The following CFAP276 variants were observed in gnomAD, a reference collection of about 807,000 sequenced individuals.
CFAP276 encodes the protein cilia and flagella associated protein 276.
At chr1:109,107,868 A>AG in the CFAP276 span, 2 of 1,469,964 alleles carry the variant, frequency 1.4e-6, no homozygotes, top group African/African-American at 2.8e-5. Flanking sequence ...ACAGGAAAAA[A>AG]AAAAAAAGCC....
the CFAP276 span, chr1:109,113,679 TTC>T: frequency 1.2e-5 from 19 of 1,613,986 alleles, no homozygotes; most frequent in East Asian, 4.0e-4. Context: ...TCTCTCCATC[TTC>T]TTTCTCTCGG....
chr1:109,111,662 C>G, the CFAP276 span, among the ~76,000 whole-genome samples: 2 of 152,124 alleles, frequency 1.3e-5, no homozygotes, highest in East Asian at 1.9e-4. Flanking sequence ...AAGCCATTCT[C>G]TCTCTCCTTT....
chr1:109,106,501 G>GC, the CFAP276 span: 23 of 1,608,090 alleles, frequency 1.4e-5, no homozygotes, highest in South Asian at 2.6e-4. Context: ...CTCCCCCACT[G>GC]CCCCATCTGC....
chr1:109,113,182 G>C, the CFAP276 span, among the ~76,000 whole-genome samples: 1 of 152,020 alleles, frequency 6.6e-6, no homozygotes, highest in African/African-American at 2.4e-5. Flanking sequence ...TTAAGCCCAA[G>C]AGTTCGAGAC....
chr1:109,106,526 A>G, the CFAP276 span: 2 of 1,613,696 alleles, frequency 1.2e-6, no homozygotes, highest in Admixed American at 1.7e-5. Flanking sequence ...CCAGTCCTCT[A>G]ACCCTTACCT....
chr1:109,112,996 T>G, the CFAP276 span, among the ~76,000 whole-genome samples: 1 of 152,160 alleles, frequency 6.6e-6, no homozygotes, highest in African/African-American at 2.4e-5. Context: ...TGCAAAAGAC[T>G]TCAGTTGAGG....
chr1:109,113,511 C>T, the CFAP276 span: 1 of 1,016,986 alleles, frequency 9.8e-7, no homozygotes, highest in South Asian at 1.4e-5. Flanking sequence ...AGGCAAACTC[C>T]TCGCTTAAAC....
the CFAP276 span, among the ~76,000 whole-genome samples, chr1:109,113,415 AAAGAGAGAGAGAG>A: frequency 6.1e-5 from 7 of 113,834 alleles, no homozygotes; most frequent in African/African-American, 2.1e-4. Flanking sequence ...AGAGAGAGAG[AAAGAGAGAGAGAG>A]AGAGAGAGAG....
chr1:109,113,412 G>GAT, the CFAP276 span, among the ~76,000 whole-genome samples: 1 of 104,146 alleles, frequency 9.6e-6, no homozygotes, highest in Non-Finnish European at 1.9e-5. Context: ...GAGAGAGAGA[G>GAT]AGAAAGAGAG....
chr1:109,108,526 T>G, the CFAP276 span, among the ~76,000 whole-genome samples: 2 of 152,166 alleles, frequency 1.3e-5, no homozygotes, highest in Non-Finnish European at 2.9e-5. Context: ...GATCCTCCTA[T>G]GTTTTCTTAA....
the CFAP276 span, chr1:109,107,966 G>A: frequency 1.9e-6 from 3 of 1,603,604 alleles, no homozygotes; most frequent in Admixed American, 1.7e-5. Flanking sequence ...AAGTAATTGT[G>A]GGGGTTGAGT....
chr1:109,109,697 T>G, the CFAP276 span, among the ~76,000 whole-genome samples: 1,996 of 151,624 alleles, frequency 0.013, 44 homozygotes, highest in African/African-American at 0.045. Context: ...CCACCGCATC[T>G]GGCTAATTTT....
chr1:109,109,221 G>A, the CFAP276 span, among the ~76,000 whole-genome samples: 1 of 151,988 alleles, frequency 6.6e-6, no homozygotes, highest in South Asian at 2.1e-4. Context: ...GGCTGAGGCG[G>A]GCGGATCACC....
At chr1:109,113,423 AGAGAGAGAGAGAGAGAG>A in the CFAP276 span, among the ~76,000 whole-genome samples, 4,875 of 62,676 alleles carry the variant, frequency 0.078, 252 homozygotes, top group Middle Eastern at 0.13. Flanking sequence ...AGAAAGAGAG[AGAGAGAGAGAGAGAGAG>A]AGAGAGAGAG....
the CFAP276 span, among the ~76,000 whole-genome samples, chr1:109,110,440 G>A: frequency 2.6e-5 from 4 of 152,088 alleles, no homozygotes; most frequent in Non-Finnish European, 5.9e-5. Flanking sequence ...TCCTTTCCAG[G>A]CCTGATCTTA....
chr1:109,108,027 T>TTTTTTTTTTTTTTTTTTTTTC, the CFAP276 span: 20 of 1,600,654 alleles, frequency 1.2e-5, no homozygotes, highest in Non-Finnish European at 1.6e-5. Context: ...TGGGTTCTTA[T>TTTTTTTTTTTTTTTTTTTTTC]ATGGCAATTT....
At chr1:109,106,637 C>A in the CFAP276 span, 6 of 1,613,670 alleles carry the variant, frequency 3.7e-6, no homozygotes, top group African/African-American at 5.3e-5. Flanking sequence ...GTTAAAAATT[C>A]TCCAGGGAAT....
chr1:109,107,097 C>G, the CFAP276 span: 2 of 1,614,134 alleles, frequency 1.2e-6, no homozygotes, highest in South Asian at 2.2e-5. Flanking sequence ...GGCTGCTAAG[C>G]GGAAGTCCAG....
chr1:109,109,461 A>G, the CFAP276 span, among the ~76,000 whole-genome samples: 4 of 147,152 alleles, frequency 2.7e-5, no homozygotes, highest in African/African-American at 1.0e-4. Flanking sequence ...AAAAAATAGA[A>G]CTCTCATTAG....
Sources: gnomAD v4.1 joint callset for allele counts (sites outside exome capture counted in the v4.1 genomes callset) on GRCh38, gnomAD v4.1.1 for gene constraint, MANE v1.5 for transcripts, NCBI Gene and HGNC (gene_info 2026-07-23, HGNC 2026-07-21) for gene names.